Variants in MACROD2 observed in about 807,000 individuals in gnomAD.
The protein encoded by MACROD2 is mono-ADP ribosylhydrolase 2.
MACROD2 carries 36 observed loss-of-function variants against 70.4 expected under a neutral mutation model. The ratio of observed to expected loss-of-function variants is 0.51; its 90% CI spans 0.39 to 0.68. The LOEUF (loss-of-function observed/expected upper bound fraction) is 0.68. MACROD2 is among the 30% of genes least tolerant of loss of function. The pLI is 0.00. For missense variants in MACROD2, 496 were observed against 538.4 expected (o/e 0.92, Z 0.78); for synonymous variants, 172 against 178.8 (o/e 0.96, Z 0.30).
chr20:15,770,028 A>C (rs1329362928), intron 8 of MACROD2, among the ~76,000 whole-genome samples: 1 of 151,438 alleles, frequency 6.6e-6, no homozygotes, highest in East Asian at 1.9e-4. Context: ...TTTGCATCTG[A>C]AGGAAAGGAA....
At chr20:15,853,801 T>TG (rs1284963171) in intron 8 of MACROD2, among the ~76,000 whole-genome samples, 1 of 152,208 alleles carries the variant, frequency 6.6e-6, no homozygotes, top group Admixed American at 6.5e-5. Context: ...AACCCAGTCA[T>TG]GCAATGTCAG....
chr20:15,854,619 G>A (rs540620210), intron 8 of MACROD2, among the ~76,000 whole-genome samples: 4 of 152,272 alleles, frequency 2.6e-5, no homozygotes, highest in Admixed American at 1.3e-4. Flanking sequence ...TTAATTCTGC[G>A]GTGATTTGTC....
intron 3 of MACROD2, among the ~76,000 whole-genome samples, chr20:14,424,290 ATTTTTACCT>A (rs1050973381): frequency 6.6e-6 from 1 of 151,832 alleles, no homozygotes; most frequent in Non-Finnish European, 1.5e-5. Flanking sequence ...TTTTTTAAAT[ATTTTTACCT>A]CTTACTCTTT....
Position 15,092,370 on chromosome 20 carries a change from A to G in MACROD2, c.419-137570A>G, listed in dbSNP as rs530319644. On this transcript the variant is annotated intron_variant, in intron 5 of 17. Transcript: ENST00000684519. ...TTTAAGTATAATAAAACTATAATAA[A>G]TTTTTATAAAGTATTCATTAAATAA... 2.8e-3 allele frequency among the ~76,000 whole-genome samples: 413 copies of G among 149,148 alleles called. 4 individuals are homozygous for G. The highest frequency in any genetic ancestry group is 9.3e-3 in the African/African-American group (381 of 41,106).
intron 3 of MACROD2, among the ~76,000 whole-genome samples, chr20:14,137,707 A>C (rs2054818165): frequency 6.6e-6 from 1 of 152,196 alleles, no homozygotes; most frequent in Non-Finnish European, 1.5e-5. Flanking sequence ...AAAAATCTCC[A>C]TGACATTAGT....
intron 5 of MACROD2, among the ~76,000 whole-genome samples, chr20:14,981,051 T>G (rs970555458): frequency 6.6e-6 from 1 of 151,070 alleles, no homozygotes; most frequent in Non-Finnish European, 1.5e-5. Flanking sequence ...TGTGTGTGTG[T>G]GCATGTGTGT....
In MACROD2 at chr20:15,229,991, A is replaced by G. The variant is rs767885570; in HGVS notation, c.470A>G (p.His157Arg). 5 of 1,613,780 alleles carry G rather than the reference A, an allele frequency of 3.1e-6. No individual in the cohort carries two copies. The highest frequency in any genetic ancestry group is 3.4e-6 in the Non-Finnish European group (4 of 1,179,710). ...GCCAGGGGCCATATTAATGGTTCCCACAAGGAAGACCTTGCAAATTGCTAT... is the reference window on the plus strand; with the variant it reads ...GCCAGGGGCCATATTAATGGTTCCCGCAAGGAAGACCTTGCAAATTGCTAT... ...PIARGHINGS[H>R]KEDLANCYKS... The change falls in exon 6 of 18, where the codon CAC becomes CGC. Residue 157 changes from histidine (H) to arginine (R), a missense_variant. His to Arg is a conservative substitution (Grantham distance 29, BLOSUM62 0). Coordinates refer to ENST00000684519, the MANE Select transcript of MACROD2 (RefSeq NM_001351661.2).
At chr20:14,489,575 A>G (rs1164237152) in intron 3 of MACROD2, among the ~76,000 whole-genome samples, 1 of 152,176 alleles carries the variant, frequency 6.6e-6, no homozygotes, top group Non-Finnish European at 1.5e-5. Context: ...AGTCCTTTTG[A>G]TATCCCATGT....
chr20:14,678,846 C>T (rs2070894298), intron 4 of MACROD2, among the ~76,000 whole-genome samples: 1 of 151,998 alleles, frequency 6.6e-6, no homozygotes, highest in South Asian at 2.1e-4. Flanking sequence ...AATATAGAAC[C>T]TCATCACCAG....
At chr20:15,659,447 C>T (rs1400761907) in intron 8 of MACROD2, among the ~76,000 whole-genome samples, 1 of 151,382 alleles carries the variant, frequency 6.6e-6, no homozygotes, top group East Asian at 1.9e-4. Flanking sequence ...CTACCCAAAC[C>T]CACCTTCTTT....
intron 3 of MACROD2, among the ~76,000 whole-genome samples, chr20:14,473,991 TGG>T (rs2084560484): frequency 1.3e-5 from 2 of 152,060 alleles, no homozygotes; most frequent in African/African-American, 4.8e-5. Context: ...ATTTTATAGT[TGG>T]ATTATTTTAT....
At chr20:14,685,313 A>G (rs2070988638) in intron 5 of MACROD2, among the ~76,000 whole-genome samples, 1 of 152,144 alleles carries the variant, frequency 6.6e-6, no homozygotes. Context: ...AATGATGCCA[A>G]TTTCTTATTC....
At chr20:14,416,349 C>A in intron 3 of MACROD2, among the ~76,000 whole-genome samples, 1 of 152,044 alleles carries the variant, frequency 6.6e-6, no homozygotes, top group African/African-American at 2.4e-5. Context: ...GTTTTTTCCC[C>A]CCAGTGTAAA....
rs575102574 is a variant in MACROD2 at position 14,425,419 on chromosome 20, A to G, written c.272-68060A>G. On this transcript the variant is annotated intron_variant, in intron 3 of 17. Coordinates refer to ENST00000684519, the MANE Select transcript of MACROD2 (RefSeq NM_001351661.2). ...TATAGCTCTGTTCAGTGTTTGCATT[A>G]CTATACGTATGAAAAGCGATCAAGA... Among the ~76,000 whole-genome samples, 4 of 152,334 alleles carry G rather than the reference A, an allele frequency of 2.6e-5. No homozygotes were observed. In the South Asian group the frequency reaches 8.3e-4, roughly 32 times the overall value.
At chr20:14,714,583 T>C (rs1401205040) in intron 5 of MACROD2, among the ~76,000 whole-genome samples, 3 of 152,236 alleles carry the variant, frequency 2.0e-5, no homozygotes, top group Non-Finnish European at 2.9e-5. Context: ...CTGCTCACTC[T>C]TGTTTTCTAG....
At chr20:14,642,463 G>A (rs1985149144) in intron 4 of MACROD2, among the ~76,000 whole-genome samples, 1 of 152,094 alleles carries the variant, frequency 6.6e-6, no homozygotes. Flanking sequence ...AAGAGGCCTA[G>A]CTTTTGGCCT....
At chr20:15,749,078 AT>A (rs1156845444) in intron 8 of MACROD2, among the ~76,000 whole-genome samples, 1 of 152,140 alleles carries the variant, frequency 6.6e-6, no homozygotes, top group Non-Finnish European at 1.5e-5. Flanking sequence ...TCTCCATGAC[AT>A]TTTTATATGT....
chr20:15,803,155 C>T (rs911909279), intron 8 of MACROD2, among the ~76,000 whole-genome samples: 1 of 152,074 alleles, frequency 6.6e-6, no homozygotes, highest in Non-Finnish European at 1.5e-5. Context: ...TCCTAACTCA[C>T]CCTATGAGGC....
intron 7 of MACROD2, among the ~76,000 whole-genome samples, chr20:15,476,583 A>C (rs1195390184): frequency 6.7e-6 from 1 of 149,780 alleles, no homozygotes; most frequent in East Asian, 1.9e-4. Context: ...CCCCCCCGGT[A>C]AGTCTGTCAA....
Sources: gnomAD v4.1 joint callset for allele counts (sites outside exome capture counted in the v4.1 genomes callset) on GRCh38, gnomAD v4.1.1 for gene constraint, MANE v1.5 for transcripts, NCBI Gene and HGNC (gene_info 2026-07-23, HGNC 2026-07-21) for gene names.